The following SH3PXD2B variants were observed in gnomAD, a reference collection of about 807,000 sequenced individuals.
SH3PXD2B encodes SH3 and PX domains 2B.
In SH3PXD2B, 37 loss-of-function variants were observed where a neutral mutation model predicts 73.1. That is an observed-to-expected ratio of 0.51 (90% CI 0.39 to 0.67). The LOEUF is 0.67. SH3PXD2B is among the 30% of genes least tolerant of loss of function. The pLI is 0.00. For missense variants in SH3PXD2B, 1,053 were observed against 1,197.8 expected (o/e 0.88, Z 1.78); for synonymous variants, 457 against 480.5 (o/e 0.95, Z 0.64).
chr5:172,413,139 C>A (rs147602292), intron 2 of SH3PXD2B, among the ~76,000 whole-genome samples: 1 of 152,182 alleles, frequency 6.6e-6, no homozygotes, highest in African/African-American at 2.4e-5. Flanking sequence ...CCAGCGGAGC[C>A]GGAGCAGGAA....
intron 7 of SH3PXD2B, among the ~76,000 whole-genome samples, chr5:172,360,346 T>C (rs906521696): frequency 6.6e-6 from 1 of 152,102 alleles, no homozygotes; most frequent in Non-Finnish European, 1.5e-5. Context: ...ATTTTACAGA[T>C]GGGGAAGCCG....
chr5:172,382,308 T>A (rs1214874072), intron 4 of SH3PXD2B, among the ~76,000 whole-genome samples, 181 bp from the exon 5 acceptor site: 2 of 152,190 alleles, frequency 1.3e-5, no homozygotes, highest in Admixed American at 1.3e-4. Context: ...AGAGCGAGAC[T>A]GTCTCAAACA....
At chr5:172,396,638 C>CA in intron 3 of SH3PXD2B, among the ~76,000 whole-genome samples, 1 of 117,208 alleles carries the variant, frequency 8.5e-6, no homozygotes, top group East Asian at 2.5e-4. Flanking sequence ...TTTTTTTGCT[C>CA]ATTTTCACCA....
intron 4 of SH3PXD2B, among the ~76,000 whole-genome samples, chr5:172,382,493 G>A (rs554030801): frequency 3.3e-5 from 5 of 151,528 alleles, no homozygotes; most frequent in Admixed American, 1.3e-4. Context: ...GTAGTTCTGC[G>A]GAGGGGGCTG....
chr5:172,444,849 A>G (rs1163012973), intron 1 of SH3PXD2B, among the ~76,000 whole-genome samples: 1 of 152,110 alleles, frequency 6.6e-6, no homozygotes, highest in African/African-American at 2.4e-5. Flanking sequence ...CCCTGGCCTC[A>G]GCCTTCGTGT....
chr5:172,399,291 G>T (rs1026977519), intron 3 of SH3PXD2B, among the ~76,000 whole-genome samples: 2 of 152,146 alleles, frequency 1.3e-5, no homozygotes, highest in African/African-American at 2.4e-5. Context: ...TTCACTGATG[G>T]CTCCAGAAAT....
chr5:172,346,284 T>C, intron 11 of SH3PXD2B, 23 bp from the exon 12 acceptor site: 1 of 1,613,220 alleles, frequency 6.2e-7, no homozygotes, highest in South Asian at 1.1e-5. Flanking sequence ...CACACAGGGT[T>C]ATCTCCAAGG....
intron 2 of SH3PXD2B, among the ~76,000 whole-genome samples, chr5:172,415,242 C>A (rs1157006021): frequency 5.3e-5 from 8 of 152,154 alleles, no homozygotes; most frequent in Non-Finnish European, 8.8e-5. Flanking sequence ...AGTGGGAACT[C>A]AGAAGACAAA....
In SH3PXD2B at chr5:172,339,901, A is replaced by G; in HGVS notation, c.1204T>C (p.Leu402=). The change falls in exon 13 of 13, where the codon TTG becomes CTG. Residue 402 remains leucine, a synonymous_variant. Transcript: ENST00000311601. This position sits in a 1 kb window ranked among gnomAD's most constrained non-coding sequence, Gnocchi z 6.1. The stretch of plus-strand genomic sequence containing the variant: ...ATCTGAATGTACCACCAGCCACTCA[A>G]GTTTTTCTCGATCACCTGCAAGGGA... The part of the protein sequence containing the change: ...GLKVEVIEKN[L]SGWWYIQIED... 1 of 1,614,234 alleles carries G rather than the reference A, an allele frequency of 6.2e-7. No homozygotes were observed. Among genetic ancestry groups the G allele is most frequent in the Non-Finnish European group, 8.5e-7 (1 of 1,180,034 alleles).
At chr5:172,426,898 A>C (rs1271941164) in intron 1 of SH3PXD2B, among the ~76,000 whole-genome samples, 1 of 152,246 alleles carries the variant, frequency 6.6e-6, no homozygotes, top group Non-Finnish European at 1.5e-5. Flanking sequence ...TCCCAGATGC[A>C]AGACAAAACA....
At chr5:172,394,440 CT>C (rs1758250373) in intron 4 of SH3PXD2B, 122 bp downstream of exon 4, 2 of 958,632 alleles carry the variant, frequency 2.1e-6, no homozygotes, top group Admixed American at 2.0e-5. Flanking sequence ...GATTTTCCCC[CT>C]AATTTCTTTA....
At chr5:172,368,914 G>C (rs1291420237) in intron 6 of SH3PXD2B, among the ~76,000 whole-genome samples, 3 of 141,310 alleles carry the variant, frequency 2.1e-5, no homozygotes, top group Non-Finnish European at 4.5e-5. Context: ...ATATTTTTGA[G>C]ACGGAGTTTT....
intron 3 of SH3PXD2B, among the ~76,000 whole-genome samples, chr5:172,400,594 T>C (rs952523743): frequency 1.3e-5 from 2 of 152,188 alleles, no homozygotes; most frequent in Admixed American, 6.5e-5. Context: ...GGGAAAACTA[T>C]TCTGTCTGTT....
chr5:172,355,204 G>A (rs1459937284), intron 8 of SH3PXD2B, among the ~76,000 whole-genome samples: 2 of 152,226 alleles, frequency 1.3e-5, no homozygotes, highest in Non-Finnish European at 2.9e-5. Flanking sequence ...TGCCGTCCGC[G>A]GCCTGCCCAG....
chr5:172,449,161 A>T (rs919406621), intron 1 of SH3PXD2B, among the ~76,000 whole-genome samples: 1 of 152,176 alleles, frequency 6.6e-6, no homozygotes, highest in Admixed American at 6.5e-5. Flanking sequence ...GGCACCATCT[A>T]CCCAGAGCTT....
intron 4 of SH3PXD2B, among the ~76,000 whole-genome samples, chr5:172,383,888 C>G (rs1341663251): frequency 6.6e-6 from 1 of 151,344 alleles, no homozygotes; most frequent in Non-Finnish European, 1.5e-5. Context: ...TGCTCTGTCA[C>G]CAGGCTGGAG....
chr5:172,393,042 C>T (rs10037812), intron 4 of SH3PXD2B, among the ~76,000 whole-genome samples: 9,390 of 152,144 alleles, frequency 0.062, 434 homozygotes, highest in African/African-American at 0.14. Flanking sequence ...TTTGACTATT[C>T]TGGATCCTTT....
intron 6 of SH3PXD2B, among the ~76,000 whole-genome samples, chr5:172,367,551 T>C (rs1403280944): frequency 6.6e-6 from 1 of 152,130 alleles, no homozygotes; most frequent in African/African-American, 2.4e-5. Flanking sequence ...TTAGACCTTA[T>C]CTCCTTCACT....
chr5:172,415,231 C>G (rs1471602460), intron 2 of SH3PXD2B, among the ~76,000 whole-genome samples: 2 of 152,116 alleles, frequency 1.3e-5, no homozygotes, highest in Non-Finnish European at 2.9e-5. Context: ...CACAATGAAC[C>G]AGTGGGAACT....
Sources: allele counts gnomAD v4.1 joint callset (sites outside exome capture counted in the v4.1 genomes callset), GRCh38; gene constraint gnomAD v4.1.1; non-coding constraint Gnocchi (gnomAD v3.1); transcripts MANE v1.5; gene names NCBI Gene and HGNC (gene_info 2026-07-23, HGNC 2026-07-21).